Variants in NCKAP5 observed in about 807,000 individuals in gnomAD.
NCKAP5 encodes the protein NCK associated protein 5.
NCKAP5 carries 92 observed loss-of-function variants against 167.0 expected under a neutral mutation model. The ratio of observed to expected loss-of-function variants is 0.55; its 90% CI spans 0.47 to 0.66. The LOEUF (loss-of-function observed/expected upper bound fraction) is 0.66, where lower values mean the gene tolerates loss of function less well. Among genes scored for constraint, NCKAP5 ranks in the 30% least tolerant of loss-of-function variants. The probability of loss-of-function intolerance (pLI) is 0.00; values close to 1 mark genes in which losing one functional copy is unlikely to be tolerated. For missense variants in NCKAP5, 2,378 were observed against 2,315.0 expected (o/e 1.03, Z -0.56); for synonymous variants, 891 against 877.4 (o/e 1.02, Z -0.27).
At chr2:133,387,405 C>A (rs928827005) in intron 3 of NCKAP5, among the ~76,000 whole-genome samples, 3 of 152,118 alleles carry the variant, frequency 2.0e-5, no homozygotes, top group South Asian at 4.1e-4. Context: ...GAGTTTCTGC[C>A]GAGAGATCAG....
intron 11 of NCKAP5, among the ~76,000 whole-genome samples, chr2:132,822,425 C>T (rs1464731462): frequency 6.6e-6 from 1 of 152,172 alleles, no homozygotes. Context: ...AGCCTGATAG[C>T]CCTGCTGCAT....
chr2:133,615,224 G>C, the NCKAP5 span, among the ~76,000 whole-genome samples: 3 of 152,182 alleles, frequency 2.0e-5, no homozygotes, highest in East Asian at 5.8e-4. Context: ...ATCGAGGTTA[G>C]GAAGAAACTG....
chr2:133,465,233 C>T (rs1407215744), intron 3 of NCKAP5, among the ~76,000 whole-genome samples: 2 of 145,748 alleles, frequency 1.4e-5, no homozygotes, highest in Non-Finnish European at 1.5e-5. Flanking sequence ...TGTTCAATTC[C>T]CACCTATGAG....
At chr2:133,270,911 A>ATT (rs1418899773) in intron 4 of NCKAP5, among the ~76,000 whole-genome samples, 5 of 146,080 alleles carry the variant, frequency 3.4e-5, no homozygotes, top group African/African-American at 1.3e-4. Flanking sequence ...TGTTGCTTCA[A>ATT]ATTTTTTTTT....
At chr2:133,043,332 C>T (rs1226015546) in intron 6 of NCKAP5, among the ~76,000 whole-genome samples, 1 of 152,134 alleles carries the variant, frequency 6.6e-6, no homozygotes, top group Non-Finnish European at 1.5e-5. Context: ...TGCATAGGGT[C>T]AAACATGTTC....
intron 6 of NCKAP5, among the ~76,000 whole-genome samples, chr2:133,127,446 A>G (rs906425084): frequency 6.6e-6 from 1 of 152,200 alleles, no homozygotes; most frequent in Non-Finnish European, 1.5e-5. Context: ...AATAGGATAA[A>G]AGTCCTTCAC....
At chr2:132,848,017 A>G (rs1332583771) in intron 11 of NCKAP5, among the ~76,000 whole-genome samples, 1 of 152,222 alleles carries the variant, frequency 6.6e-6, no homozygotes, top group African/African-American at 2.4e-5. Flanking sequence ...TAACCAGGGT[A>G]AAGACTCAGA....
the NCKAP5 span, among the ~76,000 whole-genome samples, chr2:133,664,527 G>A: frequency 6.6e-6 from 1 of 152,150 alleles, no homozygotes; most frequent in Admixed American, 6.5e-5. Flanking sequence ...TTAAGACAGA[G>A]TCTCGCTCTG....
At chr2:132,674,001 A>G (rs1362897265) in intron 19 of NCKAP5, among the ~76,000 whole-genome samples, 3 of 152,208 alleles carry the variant, frequency 2.0e-5, no homozygotes, top group Admixed American at 2.0e-4. Flanking sequence ...ACTGCACCAA[A>G]TTCAATAATT....
chr2:133,354,295 T>C (rs961334451), intron 3 of NCKAP5, among the ~76,000 whole-genome samples: 3 of 134,522 alleles, frequency 2.2e-5, no homozygotes, highest in Admixed American at 2.1e-4. Context: ...CTCTCTTTCC[T>C]TTTTTTTTTT....
At chr2:133,107,823 C>G (rs191584169) in intron 6 of NCKAP5, among the ~76,000 whole-genome samples, 15 of 152,330 alleles carry the variant, frequency 9.8e-5, no homozygotes, top group Admixed American at 3.3e-4. Context: ...TTCTGCCCAT[C>G]ATGAAGGCAT....
At chr2:133,065,591 C>T (rs547205218) in intron 6 of NCKAP5, among the ~76,000 whole-genome samples, 1 of 152,334 alleles carries the variant, frequency 6.6e-6, no homozygotes, top group East Asian at 1.9e-4. Context: ...GGCCACTGCA[C>T]TCCAGCCTGG....
chr2:132,712,871 GAGGGGCACACACCC>G (rs1255874332), intron 19 of NCKAP5, among the ~76,000 whole-genome samples: 1 of 152,146 alleles, frequency 6.6e-6, no homozygotes, highest in Non-Finnish European at 1.5e-5. Context: ...GATCACAGAG[GAGGGGCACACACCC>G]AGATCCAGAT....
chr2:132,712,242 C>T (rs1387960557), intron 19 of NCKAP5, among the ~76,000 whole-genome samples: 1 of 152,222 alleles, frequency 6.6e-6, no homozygotes, highest in Non-Finnish European at 1.5e-5. Context: ...TGCTCACTTG[C>T]CCCTCAGAGA....
the NCKAP5 span, among the ~76,000 whole-genome samples, chr2:133,637,128 T>C: frequency 6.6e-6 from 1 of 151,992 alleles, no homozygotes; most frequent in African/African-American, 2.4e-5. Flanking sequence ...AATTTAACTC[T>C]GTATTTTTAT....
intron 16 of NCKAP5, among the ~76,000 whole-genome samples, chr2:132,736,889 A>G (rs2105535254): frequency 6.6e-6 from 1 of 152,326 alleles, no homozygotes. Flanking sequence ...CTTGCTAAGA[A>G]GTTCAAGGGT....
chr2:132,889,548 A>C (rs1028294653), intron 8 of NCKAP5, among the ~76,000 whole-genome samples: 2 of 152,206 alleles, frequency 1.3e-5, no homozygotes, highest in African/African-American at 4.8e-5. Context: ...TCAGAACAAA[A>C]AAAAAATCAA....
At chr2:133,214,064 T>A (rs1368403743) in intron 4 of NCKAP5, among the ~76,000 whole-genome samples, 1 of 152,236 alleles carries the variant, frequency 6.6e-6, no homozygotes, top group African/African-American at 2.4e-5. Context: ...CACAAATAAA[T>A]TTTTCATGGC....
intron 4 of NCKAP5, among the ~76,000 whole-genome samples, chr2:133,288,810 C>T (rs780193607): frequency 6.6e-6 from 1 of 152,142 alleles, no homozygotes; most frequent in Admixed American, 6.5e-5. Context: ...TGCCTTCTTT[C>T]AAGGAGGGAA....
Sources: gnomAD v4.1 joint callset for allele counts (sites outside exome capture counted in the v4.1 genomes callset) on GRCh38, gnomAD v4.1.1 for gene constraint, MANE v1.5 for transcripts, NCBI Gene and HGNC (gene_info 2026-07-23, HGNC 2026-07-21) for gene names.